The following MTHFD1L variants were observed in gnomAD, a reference collection of about 807,000 sequenced individuals.
The protein encoded by MTHFD1L is methylenetetrahydrofolate dehydrogenase (NADP+ dependent) 1 like.
MTHFD1L carries 81 observed loss-of-function variants against 119.5 expected under a neutral mutation model. The ratio of observed to expected loss-of-function variants is 0.68; its 90% CI spans 0.57 to 0.82. The LOEUF (loss-of-function observed/expected upper bound fraction) is 0.82. MTHFD1L is among the 40% of genes least tolerant of loss of function. The pLI, the probability that MTHFD1L is intolerant of heterozygous loss-of-function variation, is 0.00. For synonymous variants in MTHFD1L, 430 were observed against 475.2 expected (o/e 0.90, Z 1.24); for missense variants, 1,125 against 1,253.4 (o/e 0.90, Z 1.55).
intron 24 of MTHFD1L, among the ~76,000 whole-genome samples, chr6:151,019,630 C>T (rs1416623163): frequency 1.3e-5 from 2 of 152,278 alleles, no homozygotes; most frequent in Middle Eastern, 3.4e-3. Flanking sequence ...AACAGAAATT[C>T]GATTTGAGCT....
intron 26 of MTHFD1L, among the ~76,000 whole-genome samples, chr6:151,068,727 G>C (rs1791593266): frequency 6.6e-6 from 1 of 152,166 alleles, no homozygotes; most frequent in Non-Finnish European, 1.5e-5. Flanking sequence ...TACAACTTAA[G>C]ACAGTTAAAC....
At chr6:150,961,107 T>C (rs1392193670) in intron 18 of MTHFD1L, among the ~76,000 whole-genome samples, 2 of 150,170 alleles carry the variant, frequency 1.3e-5, no homozygotes, top group Non-Finnish European at 3.0e-5. Context: ...TTTTTTTTTT[T>C]TTTTCTGAGA....
intron 7 of MTHFD1L, among the ~76,000 whole-genome samples, chr6:150,899,970 C>CA (rs970291411): frequency 1.3e-4 from 18 of 141,014 alleles, no homozygotes; most frequent in Admixed American, 6.4e-4. Context: ...GATTCCATCT[C>CA]AAAAAAAAAT....
At chr6:151,046,967 T>C (rs1788186678) in intron 26 of MTHFD1L, among the ~76,000 whole-genome samples, 1 of 152,184 alleles carries the variant, frequency 6.6e-6, no homozygotes, top group African/African-American at 2.4e-5. Context: ...AAAACTGGAA[T>C]TGTAATTGTG....
chr6:151,015,484 A>C (rs187299917), intron 23 of MTHFD1L, 32 bp from the exon 24 acceptor site: 1 of 1,584,076 alleles, frequency 6.3e-7, no homozygotes. Context: ...AAATGGATAC[A>C]GATGCAAAAC....
chr6:151,032,854 T>C (rs956126494), intron 24 of MTHFD1L, among the ~76,000 whole-genome samples: 9 of 152,224 alleles, frequency 5.9e-5, no homozygotes, highest in African/African-American at 2.2e-4. Context: ...TAATAAAAAC[T>C]GTAGTAATGA....
chr6:151,061,464 T>C (rs1790629128), intron 26 of MTHFD1L, among the ~76,000 whole-genome samples: 1 of 152,214 alleles, frequency 6.6e-6, no homozygotes, highest in South Asian at 2.1e-4. Context: ...ATTTTGTTTG[T>C]GAAATTTAGG....
rs532181941 is a variant in MTHFD1L, at chr6:151,074,676, T to G, written c.2848-17791T>G. On this transcript the variant is annotated intron_variant, in intron 26 of 27. Transcript: ENST00000367321. ...TTCCATCAGATTATAATACTGTATT[T>G]TTTACTGTACCCTTTCTATTGTATG... is the stretch of plus-strand genomic sequence containing the variant. 9.2e-4 allele frequency among the ~76,000 whole-genome samples: 140 copies of G among 152,336 alleles called. 1 individual carries two copies. Among genetic ancestry groups the G allele is most frequent in the African/African-American group, 3.2e-3 (134 of 41,584 alleles).
chr6:150,983,521 T>C (rs1777839067), intron 20 of MTHFD1L, among the ~76,000 whole-genome samples: 1 of 152,174 alleles, frequency 6.6e-6, no homozygotes, highest in Non-Finnish European at 1.5e-5. Context: ...GTCCCCTTTG[T>C]CCCAGGCTCT....
At chr6:150,951,396 A>G (rs6911847) in intron 16 of MTHFD1L, among the ~76,000 whole-genome samples, 3,353 of 152,246 alleles carry the variant, frequency 0.022, 122 homozygotes, top group African/African-American at 0.075. Context: ...GATTTTGGAA[A>G]TGTCTCAAAA....
At chr6:150,976,047 A>C (rs1001610182) in intron 20 of MTHFD1L, among the ~76,000 whole-genome samples, 64 of 152,250 alleles carry the variant, frequency 4.2e-4, no homozygotes, top group Middle Eastern at 3.4e-3. Flanking sequence ...AAAATACAAA[A>C]AAATTTAGCG....
intron 26 of MTHFD1L, among the ~76,000 whole-genome samples, chr6:151,046,296 T>C (rs1787995402): frequency 6.6e-6 from 1 of 151,884 alleles, no homozygotes; most frequent in Admixed American, 6.6e-5. Context: ...AAATGGTGTT[T>C]CTCTTCAGAG....
At chr6:151,097,684 G>A (rs1795002079) in intron 27 of MTHFD1L, among the ~76,000 whole-genome samples, 1 of 152,176 alleles carries the variant, frequency 6.6e-6, no homozygotes, top group Non-Finnish European at 1.5e-5. Context: ...ATGTTTGATA[G>A]CAAACTAGGA....
intron 17 of MTHFD1L, among the ~76,000 whole-genome samples, chr6:150,959,447 G>A (rs949046903): frequency 1.9e-4 from 29 of 152,354 alleles, no homozygotes; most frequent in South Asian, 2.1e-4. Context: ...ACACATTCCT[G>A]TGTCCCTTTT....
At chr6:151,088,520 ACT>A (rs1240957204) in intron 26 of MTHFD1L, 1 of 151,378 alleles carries the variant, frequency 6.6e-6, no homozygotes, top group Non-Finnish European at 1.5e-5. Flanking sequence ...GCATTGGTGC[ACT>A]CTCGGCTCAC....
intron 7 of MTHFD1L, among the ~76,000 whole-genome samples, chr6:150,899,936 A>G (rs917037967): frequency 6.6e-6 from 1 of 151,376 alleles, no homozygotes; most frequent in East Asian, 1.9e-4. Context: ...GCACCACTGC[A>G]CTCCAGCCTG....
chr6:150,970,416 A>G (rs936603573), intron 19 of MTHFD1L, among the ~76,000 whole-genome samples: 1 of 152,248 alleles, frequency 6.6e-6, no homozygotes, highest in Non-Finnish European at 1.5e-5. Context: ...GCCACTGGAC[A>G]TGTGGCCATT....
At chr6:150,977,307 T>G (rs1034063609) in intron 20 of MTHFD1L, among the ~76,000 whole-genome samples, 4 of 152,238 alleles carry the variant, frequency 2.6e-5, no homozygotes. Flanking sequence ...TTTTGTCTAT[T>G]CTGAATAATT....
At chr6:151,009,459 G>A (rs111634084) in intron 20 of MTHFD1L, among the ~76,000 whole-genome samples, 13 of 152,162 alleles carry the variant, frequency 8.5e-5, no homozygotes, top group African/African-American at 2.6e-4. Context: ...GCTTGTGCCC[G>A]GGAGGCAGAG....
Sources: gnomAD v4.1 joint callset for allele counts (sites outside exome capture counted in the v4.1 genomes callset) on GRCh38, gnomAD v4.1.1 for gene constraint, MANE v1.5 for transcripts, NCBI Gene and HGNC (gene_info 2026-07-23, HGNC 2026-07-21) for gene names.